The following PPHLN1 variants were observed in gnomAD, a reference collection of about 807,000 sequenced individuals.
PPHLN1 encodes periphilin 1.
Under a neutral mutation model 51.3 loss-of-function variants are expected in PPHLN1, and 29 were observed. The observed-to-expected ratio is 0.57, with a 90% CI of 0.42 to 0.77. The LOEUF (loss-of-function observed/expected upper bound fraction) is 0.77. Ranked by LOEUF, PPHLN1 falls within the 30% of genes least tolerant of loss-of-function variation. PPHLN1 has a pLI of 0.00. For missense variants in PPHLN1, 436 were observed against 438.4 expected, an observed-to-expected ratio of 0.99 and a Z score of 0.05; for synonymous variants, 147 against 147.8, an observed-to-expected ratio of 0.99 and a Z score of 0.04.
rs1375402316 is a variant in PPHLN1, at chr12:42,374,971, C to T, written c.408C>T (p.Gly136=). The T allele has an allele frequency of 1.2e-6, 2 of 1,613,768 alleles. No individual in the cohort carries two copies. Among genetic ancestry groups the T allele is most frequent in the African/African-American group, 2.7e-5 (2 of 74,916 alleles). The part of the protein sequence containing the change: ...DNTFFRESPV[G]RKDSPHSRSG... ...CTTTTTTCAGAGAATCACCTGTTGG[C>T]CGAAAGGATTCTCCACACAGCAGAT... Residue 136 remains glycine (G), a synonymous_variant, in exon 5 of 10, where the codon GGC becomes GGT. Coordinates refer to ENST00000358314, the MANE Select transcript of PPHLN1 (RefSeq NM_201439.2).
chr12:42,388,556 C>T (rs2077394597), intron 7 of PPHLN1, among the ~76,000 whole-genome samples: 4 of 152,102 alleles, frequency 2.6e-5, no homozygotes, highest in Admixed American at 6.6e-5. Context: ...ACTCAGAGAC[C>T]GGTGCTGGTG....
chr12:42,361,737 A>G (rs111343267), intron 4 of PPHLN1: 19 of 152,356 alleles, frequency 1.2e-4, no homozygotes, highest in Middle Eastern at 3.4e-3. Context: ...CATTAATTCT[A>G]TTGACAGTGT....
intron 9 of PPHLN1, among the ~76,000 whole-genome samples, chr12:42,424,577 CA>C (rs2081266043): frequency 6.6e-6 from 1 of 152,164 alleles, no homozygotes; most frequent in South Asian, 2.1e-4. Context: ...AATACAGCTT[CA>C]GGGGCTGGCC....
At position 42,339,105 on chromosome 12, in the gene PPHLN1, A is replaced by G. The variant is rs183847274; in HGVS notation, c.72+3131A>G. On this transcript the variant is annotated intron_variant, in intron 2 of 9. Transcript: ENST00000358314. ...GAGATATTGTCCTTAAAATCAGACT[A>G]GATGTATTCAGCTGTCTCTTAAATG... is the stretch of plus-strand genomic sequence containing the variant. Among the ~76,000 whole-genome samples, 287 of 152,344 alleles carry G rather than the reference A, an allele frequency of 1.9e-3. 2 individuals are homozygous for G. The highest frequency in any genetic ancestry group is 3.5e-3 in the Non-Finnish European group (236 of 68,020).
chr12:42,384,852 C>G lies in PPHLN1; in HGVS notation c.512-88C>G. 3.1e-6 allele frequency: 4 copies of G among 1,302,854 alleles called. No individual in the cohort carries two copies. The South Asian group carries it at 4.9e-5, about 16-fold the overall frequency. 80.7% of individuals were successfully genotyped at this position (1,302,854 alleles called of 1,614,324 possible). A position where few individuals can be genotyped will look rare whatever the true frequency, so the allele number is the denominator to read the frequency against. On this transcript the variant is annotated intron_variant, in intron 5 of 9. Transcript: ENST00000358314. The stretch of plus-strand genomic sequence containing the variant: ...CAGAAAATGCTCAGAAGCCCCTGTT[C>G]TCATCACTCCTACTTCTGAGTTCTT...
intron 9 of PPHLN1, among the ~76,000 whole-genome samples, chr12:42,411,263 T>C (rs1467414260): frequency 1.3e-5 from 2 of 151,998 alleles, no homozygotes; most frequent in African/African-American, 4.8e-5. Context: ...TATATTTATT[T>C]CAATAGCTTT....
chr12:42,408,307 G>C (rs984998281), intron 9 of PPHLN1, among the ~76,000 whole-genome samples: 5 of 151,786 alleles, frequency 3.3e-5, no homozygotes, highest in African/African-American at 1.2e-4. Flanking sequence ...TCAGGAGTTT[G>C]AGACCAACCT....
chr12:42,329,100 T>G (rs1203370689), intron 1 of PPHLN1, among the ~76,000 whole-genome samples: 1 of 143,972 alleles, frequency 6.9e-6, no homozygotes, highest in African/African-American at 2.7e-5. Flanking sequence ...TTCAATTTTT[T>G]TTTTTTTTTG....
chr12:42,326,525 A>G (rs905850788), intron 1 of PPHLN1, among the ~76,000 whole-genome samples: 6 of 152,178 alleles, frequency 3.9e-5, no homozygotes, highest in Non-Finnish European at 7.3e-5. Context: ...ATTTTACTGA[A>G]GGTGTTCACG....
chr12:42,446,905 C>T (rs1459165886), downstream of PPHLN1: 2 of 375,906 alleles, frequency 5.3e-6, no homozygotes, highest in East Asian at 7.7e-5. Context: ...CTTATGCCCT[C>T]CGGAAATCAT....
intron 4 of PPHLN1, among the ~76,000 whole-genome samples, chr12:42,372,144 T>C (rs1260858875): frequency 6.6e-6 from 1 of 151,934 alleles, no homozygotes; most frequent in Non-Finnish European, 1.5e-5. Flanking sequence ...CACACACACA[T>C]ATCTGAAAAA....
chr12:42,366,168 A>G (rs766659059), intron 4 of PPHLN1, among the ~76,000 whole-genome samples: 2 of 152,154 alleles, frequency 1.3e-5, no homozygotes, highest in Non-Finnish European at 2.9e-5. Flanking sequence ...TTGCACAAAG[A>G]AAATTATACT....
intron 9 of PPHLN1, among the ~76,000 whole-genome samples, chr12:42,434,803 C>G (rs981287097): frequency 6.6e-6 from 1 of 152,234 alleles, no homozygotes; most frequent in Non-Finnish European, 1.5e-5. Flanking sequence ...AAGCAATTCT[C>G]CTGCCTCACC....
intron 2 of PPHLN1, among the ~76,000 whole-genome samples, chr12:42,341,284 G>A (rs1222045367): frequency 2.0e-5 from 3 of 151,642 alleles, no homozygotes; most frequent in South Asian, 2.1e-4. Flanking sequence ...CGGCTTCTCC[G>A]TTTTTTCTTA....
At chr12:42,434,729 T>TG (rs1336298071) in intron 9 of PPHLN1, among the ~76,000 whole-genome samples, 1 of 152,246 alleles carries the variant, frequency 6.6e-6, no homozygotes, top group East Asian at 1.9e-4. Context: ...AGTCTTGCTC[T>TG]GTCTCCTGGG....
chr12:42,353,361 C>T (rs878860588), intron 3 of PPHLN1, among the ~76,000 whole-genome samples: 2 of 152,140 alleles, frequency 1.3e-5, no homozygotes, highest in Admixed American at 1.3e-4. Context: ...AATTTGACCT[C>T]ACATTGGCTG....
Position 42,335,973 on chromosome 12 carries a change from G to A in PPHLN1, c.71G>A (p.Ser24Asn), listed in dbSNP as rs548195005. 2.6e-6 allele frequency: 4 copies of A among 1,566,636 alleles called. No homozygotes were observed. The African/African-American group carries it at 4.1e-5, about 16-fold the overall frequency. ...RERAPPRSHP[S>N]DGYNRLVNIV... ...CGAGCACCTCCTCGAAGTCATCCCA[G>A]TGTAAGTTACTCCTACATATTGAAT... The change falls in exon 2 of 10, where the codon AGT (serine) becomes AAT (asparagine). Residue 24 changes from serine (S) to asparagine (N), a missense_variant and splice_region_variant. Ser to Asn is a conservative substitution (Grantham distance 46). Transcript: ENST00000358314.
chr12:42,391,893 T>A (rs2077750286), intron 7 of PPHLN1, among the ~76,000 whole-genome samples: 1 of 152,080 alleles, frequency 6.6e-6, no homozygotes, highest in Non-Finnish European at 1.5e-5. Flanking sequence ...TAACAAGGTG[T>A]AGAAAAACAT....
intron 5 of PPHLN1, 60 bp from the exon 6 acceptor site, chr12:42,384,880 C>G: frequency 3.4e-6 from 5 of 1,487,728 alleles, no homozygotes; most frequent in Non-Finnish European, 4.7e-6. Context: ...GAGTTCTTCT[C>G]TTGTTCCTCT....
Sources: allele counts gnomAD v4.1 joint callset (sites outside exome capture counted in the v4.1 genomes callset), GRCh38; gene constraint gnomAD v4.1.1; transcripts MANE v1.5; gene names NCBI Gene and HGNC (gene_info 2026-07-23, HGNC 2026-07-21).